MCTP1: variants seen among roughly 807,000 people sequenced by gnomAD.
MCTP1 encodes the protein multiple C2 and transmembrane domain-containing protein 1.
Under a neutral mutation model 120.6 loss-of-function variants are expected in MCTP1, and 69 were observed. That is an observed-to-expected ratio of 0.57 (90% confidence interval 0.47 to 0.70). MCTP1 has a LOEUF of 0.70. Among genes scored for constraint, MCTP1 ranks in the 30% least tolerant of loss-of-function variants. The pLI is 0.00. For missense variants in MCTP1, 1,203 were observed against 1,248.8 expected, an observed-to-expected ratio of 0.96 and a Z score of 0.55; for synonymous variants, 529 against 493.1, an observed-to-expected ratio of 1.07 and a Z score of -0.96.
rs1366533298 is a variant in MCTP1 at position 94,909,256 on chromosome 5, A to T, written c.1647T>A (p.Ile549=). The change falls in exon 10 of 23, where the codon ATT becomes ATA. Residue 549 remains isoleucine, a synonymous_variant. Coordinates refer to ENST00000515393, the MANE Select transcript of MCTP1 (RefSeq NM_024717.7). The stretch of plus-strand genomic sequence containing the variant: ...AAATTACAAATTGCACAAACCTGCC[A>T]ATGAAATCATCCCTTTTCCCAGCAT... ...DKDAGKRDDF[I]GRCQVDLSAL... The T allele has an allele frequency of 1.2e-6, 2 of 1,612,166 alleles. No homozygotes were observed. The highest frequency in any genetic ancestry group is 1.7e-6 in the Non-Finnish European group (2 of 1,179,118).
intron 18 of MCTP1, among the ~76,000 whole-genome samples, chr5:94,785,427 C>T (rs926823490): frequency 6.6e-6 from 1 of 151,924 alleles, no homozygotes; most frequent in Non-Finnish European, 1.5e-5. Flanking sequence ...AACTATTAAC[C>T]TGGAATGTGC....
chr5:95,187,914 T>C (rs984648381), intron 1 of MCTP1, among the ~76,000 whole-genome samples: 6 of 152,206 alleles, frequency 3.9e-5, no homozygotes, highest in Non-Finnish European at 7.3e-5. Context: ...CTTGAGGGGA[T>C]AGATATCCCA....
intron 10 of MCTP1, among the ~76,000 whole-genome samples, chr5:94,902,039 T>C (rs547052206): frequency 2.6e-4 from 39 of 152,298 alleles, no homozygotes; most frequent in Admixed American, 1.8e-3. Flanking sequence ...TGGCACCCTT[T>C]GGGGCTCACT....
At chr5:94,716,756 T>G (rs1759529656) in intron 19 of MCTP1, among the ~76,000 whole-genome samples, 1 of 140,756 alleles carries the variant, frequency 7.1e-6, no homozygotes, top group African/African-American at 2.9e-5. Flanking sequence ...TATAAAAAGT[T>G]TTTTTTTTTT....
intron 19 of MCTP1, among the ~76,000 whole-genome samples, chr5:94,744,566 C>T (rs1766427689): frequency 6.6e-6 from 1 of 151,934 alleles, no homozygotes. Flanking sequence ...TGCAGTGGTG[C>T]CATCTCAGCT....
At chr5:94,857,534 A>G (rs153847) in intron 17 of MCTP1, among the ~76,000 whole-genome samples, 115,532 of 151,496 alleles carry the variant, frequency 0.76, 44,730 homozygotes, top group South Asian at 0.83. Flanking sequence ...TCCTATTCTT[A>G]AATCCAGTCT....
rs556663513 is a variant in MCTP1 at position 95,061,408 on chromosome 5, GTTTTTTTTTTTTTTTTTTTTTTTTT to G, written c.721-43949_721-43925del. Among the ~76,000 whole-genome samples the G allele has an allele frequency of 1.3e-3, 45 of 33,484 alleles. 1 individual carries two copies. Among genetic ancestry groups the G allele is most frequent in the East Asian group, 3.6e-3 (5 of 1,382 alleles). 22.0% of individuals were successfully genotyped at this position (33,484 alleles called of 152,430 possible). A position where few individuals can be genotyped will look rare whatever the true frequency, so the allele number is the denominator to read the frequency against. On this transcript the variant is annotated intron_variant, in intron 1 of 22. Transcript: ENST00000515393. ...ATCAATTTTCACAAACCCCTTAAGGGTTTTTTTTTTTTTTTTTTTTTTTTTTTTTTTTTTTTTTTTTTTTTGAGAC... is the reference window on the plus strand; with the variant it reads ...ATCAATTTTCACAAACCCCTTAAGGGTTTTTTTTTTTTTTTTTTTTGAGAC...
intron 1 of MCTP1, among the ~76,000 whole-genome samples, chr5:95,079,088 G>C (rs148267298): frequency 6.6e-6 from 1 of 152,078 alleles, no homozygotes; most frequent in South Asian, 2.1e-4. Flanking sequence ...TGACTAATTT[G>C]AGTATCTCAA....
At chr5:94,770,668 T>C (rs1356665735) in intron 19 of MCTP1, among the ~76,000 whole-genome samples, 1 of 152,202 alleles carries the variant, frequency 6.6e-6, no homozygotes, top group Non-Finnish European at 1.5e-5. Flanking sequence ...GTAACAAAGC[T>C]TGACAGGTAG....
chr5:94,824,257 G>T (rs533222085), intron 17 of MCTP1, among the ~76,000 whole-genome samples: 1 of 152,090 alleles, frequency 6.6e-6, no homozygotes, highest in Non-Finnish European at 1.5e-5. Flanking sequence ...GCATGAAGGG[G>T]TGTTGAATTT....
chr5:95,126,795 T>C (rs750801366), intron 1 of MCTP1, among the ~76,000 whole-genome samples: 1 of 152,188 alleles, frequency 6.6e-6, no homozygotes, highest in Non-Finnish European at 1.5e-5. Context: ...TTTTTTCAAT[T>C]AATGGCAAAT....
At chr5:94,993,466 T>C (rs1444943210) in intron 2 of MCTP1, among the ~76,000 whole-genome samples, 1 of 152,206 alleles carries the variant, frequency 6.6e-6, no homozygotes, top group African/African-American at 2.4e-5. Context: ...CATAGAGCCA[T>C]GACTTTACAT....
chr5:94,877,576 G>T (rs143999195), intron 12 of MCTP1: 2 of 152,056 alleles, frequency 1.3e-5, no homozygotes, highest in Non-Finnish European at 2.9e-5. Flanking sequence ...TCCAATGGGC[G>T]TCTTTTCTGG....
chr5:94,806,230 G>A (rs1782251441), intron 17 of MCTP1, among the ~76,000 whole-genome samples: 1 of 151,834 alleles, frequency 6.6e-6, no homozygotes, highest in Non-Finnish European at 1.5e-5. Context: ...TTAGCAAGGT[G>A]GCTGTAAAGG....
Position 94,707,264 on chromosome 5 carries a change from C to T in MCTP1, c.*232G>A. 2.3e-6 allele frequency: 1 copy of T among 432,072 alleles called. No individual in the cohort carries two copies. The highest frequency in any genetic ancestry group is 4.1e-6 in the Non-Finnish European group (1 of 242,732). 26.8% of individuals were successfully genotyped at this position (432,072 alleles called of 1,614,324 possible). Reference sequence around the variant, plus strand: ...TTTCAGTGTGTTATATTATTATCCACAGCTAACAAGGTTTTGACACAGCAG... The same window carrying T: ...TTTCAGTGTGTTATATTATTATCCATAGCTAACAAGGTTTTGACACAGCAG... On this transcript the variant is annotated 3_prime_UTR_variant, in exon 23 of 23. Coordinates refer to ENST00000515393, the MANE Select transcript of MCTP1 (RefSeq NM_024717.7).
intron 1 of MCTP1, among the ~76,000 whole-genome samples, chr5:95,063,230 A>G (rs527863355): frequency 6.6e-6 from 1 of 152,360 alleles, no homozygotes; most frequent in Admixed American, 6.5e-5. Flanking sequence ...GCATGTTTAC[A>G]TGGTGATCTT....
At chr5:95,274,008 C>T (rs1759611153) in intron 1 of MCTP1, among the ~76,000 whole-genome samples, 1 of 152,172 alleles carries the variant, frequency 6.6e-6, no homozygotes, top group Non-Finnish European at 1.5e-5. Flanking sequence ...CACATGTTCT[C>T]CTGTTTCCAC....
chr5:94,828,250 C>T (rs1288981773), intron 17 of MCTP1, among the ~76,000 whole-genome samples: 1 of 152,090 alleles, frequency 6.6e-6, no homozygotes, highest in African/African-American at 2.4e-5. Flanking sequence ...TGCTGGGGGT[C>T]CACCCTGTTT....
At chr5:94,804,429 G>GCTTTT (rs969856027) in intron 17 of MCTP1, among the ~76,000 whole-genome samples, 11 of 152,170 alleles carry the variant, frequency 7.2e-5, no homozygotes, top group East Asian at 3.9e-4. Flanking sequence ...TTAATGTAAT[G>GCTTTT]CTTTTCTTTT....
Sources: gnomAD v4.1 joint callset for allele counts (sites outside exome capture counted in the v4.1 genomes callset) on GRCh38, gnomAD v4.1.1 for gene constraint, MANE v1.5 for transcripts, NCBI Gene and HGNC (gene_info 2026-07-23, HGNC 2026-07-21) for gene names.